The following ZNF738 variants were observed in gnomAD, a reference collection of about 807,000 sequenced individuals.
ZNF738 encodes the protein protein ZNF738.
A neutral mutation model predicts 9.2 loss-of-function variants in ZNF738; 10 were observed. That is an observed-to-expected ratio of 1.09 (90% CI 0.67 to 1.85). The LOEUF (loss-of-function observed/expected upper bound fraction) is 1.85, where lower values mean the gene tolerates loss of function less well. Ranked by LOEUF, ZNF738 falls within the 40% of genes most tolerant of loss-of-function variation. The pLI is 0.00. For synonymous variants in ZNF738, 113 were observed against 94.5 expected (o/e 1.20, Z -1.14); for missense variants, 346 against 283.6 (o/e 1.22, Z -1.58).
Position 21,365,670 on chromosome 19 carries a change from A to G in ZNF738, c.96+3812A>G, listed in dbSNP as rs1374421360. Among the ~76,000 whole-genome samples, 6 of 152,212 alleles carry G rather than the reference A, an allele frequency of 3.9e-5. No homozygotes were observed. In the South Asian group the frequency reaches 8.3e-4, roughly 21 times the overall value. On this transcript the variant is annotated intron_variant, in intron 2 of 4. Transcript: ENST00000683779. Reference sequence around the variant, plus strand: ...TAGTAAGTGTTTAATTTAAGAAAACATCTAGGCTGGGCGTGGTAGCTCATG... The same window carrying G: ...TAGTAAGTGTTTAATTTAAGAAAACGTCTAGGCTGGGCGTGGTAGCTCATG...
chr19:21,380,107 T>C (rs1288981097), intron 4 of ZNF738, among the ~76,000 whole-genome samples: 1 of 152,188 alleles, frequency 6.6e-6, no homozygotes, highest in Non-Finnish European at 1.5e-5. Context: ...CTGGGAATTT[T>C]AAGAAAAGAT....
intron 4 of ZNF738, chr19:21,378,661 T>A (rs1013063274): frequency 2.8e-6 from 1 of 361,314 alleles, no homozygotes; most frequent in Non-Finnish European, 5.8e-6. Flanking sequence ...CAGGCCGGAG[T>A]GAAATGGCGC....
At chr19:21,374,848 G>C (rs1377819846) in intron 2 of ZNF738, among the ~76,000 whole-genome samples, 1 of 151,788 alleles carries the variant, frequency 6.6e-6, no homozygotes, top group African/African-American at 2.4e-5. Context: ...ATCTGCATAA[G>C]ATCTCCAGTG....
intron 4 of ZNF738, chr19:21,381,588 G>A: frequency 1.7e-6 from 1 of 580,744 alleles, no homozygotes; most frequent in Non-Finnish European, 3.1e-6. Context: ...CCGTCTCCCG[G>A]GTTCACGCCA....
At chr19:21,371,748 C>T (rs1963057) in intron 2 of ZNF738, among the ~76,000 whole-genome samples, 4 of 140,358 alleles carry the variant, frequency 2.8e-5, no homozygotes, top group African/African-American at 8.0e-5. Context: ...ATCACCTGAA[C>T]GTATATTTAT....
intron 4 of ZNF738, among the ~76,000 whole-genome samples, chr19:21,382,441 G>A (rs1646075021): frequency 6.6e-6 from 1 of 151,932 alleles, no homozygotes; most frequent in Non-Finnish European, 1.5e-5. Context: ...GTTTCACAGT[G>A]TTGGCCAGGA....
chr19:21,375,331 ATGTTAGAGAACTTC>A lies in ZNF738; in HGVS notation c.191_204del (p.Met64LysfsTer9), dbSNP rs769698344. ...TCAGCAAGATTTGTATAGGAAAGTGATGTTAGAGAACTTCAGAAACCTGGTGTTCTTGGGTGAGA... is the reference window on the plus strand; with the variant it reads ...TCAGCAAGATTTGTATAGGAAAGTGAAGAAACCTGGTGTTCTTGGGTGAGA... On this transcript the variant is annotated frameshift_variant, in exon 3 of 5. Transcript: ENST00000683779. LOFTEE classifies it high-confidence loss of function. 2.9e-6 allele frequency: 3 copies of A among 1,025,478 alleles called. No individual in the cohort carries two copies. The South Asian group carries it at 3.9e-5, about 13-fold the overall frequency. 63.5% of individuals were successfully genotyped at this position (1,025,478 alleles called of 1,614,324 possible).
intron 2 of ZNF738, among the ~76,000 whole-genome samples, chr19:21,370,723 G>A (rs1047595757): frequency 5.3e-5 from 8 of 152,068 alleles, no homozygotes; most frequent in African/African-American, 1.9e-4. Context: ...ATATTACTTA[G>A]AATGTGCTAG....
chr19:21,369,110 T>G (rs746855713), intron 2 of ZNF738, among the ~76,000 whole-genome samples: 5 of 152,214 alleles, frequency 3.3e-5, no homozygotes, highest in Middle Eastern at 3.4e-3. Context: ...AAATCTTTAT[T>G]TTATTTTTGG....
chr19:21,359,165 T>C, intron 1 of ZNF738, 22 bp downstream of exon 1: 1 of 1,036,614 alleles, frequency 9.6e-7, no homozygotes, highest in Non-Finnish European at 1.5e-6. Flanking sequence ...GGGTCCAACA[T>C]CCCGAGAGAG....
At chr19:21,368,782 G>A (rs1005298322) in intron 2 of ZNF738, among the ~76,000 whole-genome samples, 7 of 151,850 alleles carry the variant, frequency 4.6e-5, no homozygotes, top group African/African-American at 1.7e-4. Flanking sequence ...TGTTGCTCAG[G>A]CTGGAGTACA....
At chr19:21,362,092 A>T (rs1441978366) in intron 2 of ZNF738, among the ~76,000 whole-genome samples, 1 of 50,822 alleles carries the variant, frequency 2.0e-5, no homozygotes, top group Non-Finnish European at 3.3e-5. Flanking sequence ...AATAATAATA[A>T]TAATGATAAT....
Position 21,383,366 on chromosome 19 carries a change from A to G in ZNF738, c.820A>G (p.Thr274Ala), listed in dbSNP as rs1460203019. Residue 274 changes from threonine (T) to alanine (A), a missense_variant, in exon 5 of 5, where the codon ACT (threonine) becomes GCT (alanine). Coordinates refer to ENST00000683779, the MANE Select transcript of ZNF738 (RefSeq NM_001355237.2). ...ECGKGFNHST[T>A]LTRHKVIHAG... ...TGGAAAAGGTTTTAACCACTCCACA[A>G]CTCTTACTAGACATAAGGTAATTCA... 7.6e-6 allele frequency: 8 copies of G among 1,049,704 alleles called. No individual in the cohort carries two copies. The highest frequency in any genetic ancestry group is 1.2e-5 in the Non-Finnish European group (8 of 692,140). The allele number at this position is 1,049,704 out of a possible 1,614,324, so 65.0% of individuals were successfully genotyped here.
At position 21,385,957 on chromosome 19, in the gene ZNF738, T is replaced by C. The variant is rs1020931833; in HGVS notation, c.*2283T>C. 1.3e-5 allele frequency among the ~76,000 whole-genome samples: 2 copies of C among 152,198 alleles called. No homozygotes were observed. Among genetic ancestry groups the C allele is most frequent in the African/African-American group, 4.8e-5 (2 of 41,458 alleles). ...AATATGAAGAATGTCACAAAGCTTT[T>C]AACCACTTCTCAACCCTGATGACAC... is the stretch of plus-strand genomic sequence containing the variant. On this transcript the variant is annotated 3_prime_UTR_variant, in exon 5 of 5. Transcript: ENST00000683779.
rs754729297 is a variant in ZNF738, at chr19:21,383,986, A to G, written c.*312A>G. The G allele has an allele frequency of 2.2e-5, 33 of 1,469,854 alleles. No individual in the cohort carries two copies. In the African/African-American group the frequency reaches 3.2e-4, roughly 14 times the overall value. The allele number at this position is 1,469,854 out of a possible 1,614,324, so 91.1% of individuals were successfully genotyped here. A position where few individuals can be genotyped will look rare whatever the true frequency, so the allele number is the denominator to read the frequency against. On this transcript the variant is annotated 3_prime_UTR_variant, in exon 5 of 5. Coordinates refer to ENST00000683779, the MANE Select transcript of ZNF738 (RefSeq NM_001355237.2). ...GCACATAAGTTGATTCATACTGGAGAGAAACCCTACAAATGTGAAGAATGT... is the reference window on the plus strand; with the variant it reads ...GCACATAAGTTGATTCATACTGGAGGGAAACCCTACAAATGTGAAGAATGT...
At chr19:21,367,039 C>T (rs6511231) in intron 2 of ZNF738, among the ~76,000 whole-genome samples, 1 of 152,010 alleles carries the variant, frequency 6.6e-6, no homozygotes, top group Non-Finnish European at 1.5e-5. Context: ...CTGTGTACCT[C>T]TGACAGATTC....
intron 4 of ZNF738, among the ~76,000 whole-genome samples, chr19:21,382,611 TTTTCTTC>T (rs1377149588): frequency 1.3e-5 from 2 of 152,196 alleles, no homozygotes; most frequent in Admixed American, 1.3e-4. Context: ...ACAAACTTTT[TTTTCTTC>T]TGTGTGACTT....
intron 2 of ZNF738, among the ~76,000 whole-genome samples, chr19:21,374,133 G>T (rs959049139): frequency 6.7e-6 from 1 of 150,064 alleles, no homozygotes; most frequent in African/African-American, 2.5e-5. Flanking sequence ...TCCTTAGTAA[G>T]GATGGAGAAC....
intron 2 of ZNF738, chr19:21,372,130 T>C (rs2434997): frequency 0.6 from 90,303 of 151,572 alleles, 27,590 homozygotes; most frequent in African/African-American, 0.74. Flanking sequence ...TTAGTAGAGA[T>C]GGGGTTTCTC....
Sources: gnomAD v4.1 joint callset for allele counts (sites outside exome capture counted in the v4.1 genomes callset) on GRCh38, gnomAD v4.1.1 for gene constraint, MANE v1.5 for transcripts, NCBI Gene and HGNC (gene_info 2026-07-23, HGNC 2026-07-21) for gene names.